Variants in CNOT6 observed in about 807,000 individuals in gnomAD.
The protein encoded by CNOT6 is carbon catabolite repression 4 protein.
CNOT6 carries 12 observed loss-of-function variants against 61.2 expected under a neutral mutation model. That is an observed-to-expected ratio of 0.20 (90% CI 0.13 to 0.32). CNOT6 has a LOEUF of 0.32. Among genes scored for constraint, CNOT6 ranks in the 10% least tolerant of loss-of-function variants. The probability of loss-of-function intolerance (pLI) is 1.00; values close to 1 mark genes in which losing one functional copy is unlikely to be tolerated. For missense variants in CNOT6, 405 were observed against 663.9 expected (o/e 0.61, Z 4.28); for synonymous variants, 225 against 240.6 (o/e 0.94, Z 0.60).
At chr5:180,536,739 T>A (rs1337364275) in intron 2 of CNOT6, among the ~76,000 whole-genome samples, 4 of 152,180 alleles carry the variant, frequency 2.6e-5, no homozygotes, top group African/African-American at 9.6e-5. Context: ...GCCCCTCAAG[T>A]AGCTGGGACT....
intron 1 of CNOT6, among the ~76,000 whole-genome samples, chr5:180,500,920 A>G (rs1437923992): frequency 1.3e-5 from 2 of 152,092 alleles, no homozygotes; most frequent in South Asian, 2.1e-4. Flanking sequence ...TTTAAGCTGG[A>G]TTTTAAAGGA....
At chr5:180,548,945 A>G (rs1442931845) in intron 2 of CNOT6, among the ~76,000 whole-genome samples, 1 of 152,248 alleles carries the variant, frequency 6.6e-6, no homozygotes, top group African/African-American at 2.4e-5. Flanking sequence ...CAATTTATCA[A>G]GAAGTGTCAA....
intron 4 of CNOT6, among the ~76,000 whole-genome samples, chr5:180,563,505 G>A (rs932400152): frequency 6.6e-6 from 1 of 152,106 alleles, no homozygotes; most frequent in African/African-American, 2.4e-5. Context: ...GCCTCCCAAA[G>A]TGCTGGGATT....
chr5:180,563,402 T>G (rs1313827413), intron 4 of CNOT6, among the ~76,000 whole-genome samples: 1 of 4,374 alleles, frequency 2.3e-4, no homozygotes, highest in East Asian at 0.17. Flanking sequence ...TTGTTTTTGC[T>G]TTTTTTTTCT....
chr5:180,499,856 G>T (rs1255339585), intron 1 of CNOT6, among the ~76,000 whole-genome samples: 1 of 152,174 alleles, frequency 6.6e-6, no homozygotes, highest in Non-Finnish European at 1.5e-5. Flanking sequence ...ATGGAAGGTT[G>T]TAACACGAGA....
intron 1 of CNOT6, among the ~76,000 whole-genome samples, chr5:180,507,552 T>A (rs1561632073): frequency 1.3e-5 from 2 of 152,114 alleles, no homozygotes; most frequent in African/African-American, 2.4e-5. Context: ...CAGTGAACCG[T>A]GGTCACGCCA....
At chr5:180,500,501 T>C (rs12656468) in intron 1 of CNOT6, among the ~76,000 whole-genome samples, 149,265 of 150,542 alleles carry the variant, frequency 0.99, 74,004 homozygotes, top group Middle Eastern at 1. Flanking sequence ...GCAGTGGCGC[T>C]ATCTAGGCTC....
At position 180,549,819 on chromosome 5, in the gene CNOT6, T is replaced by A. The variant is rs7733382; in HGVS notation, c.113-112T>A. The A allele has an allele frequency of 2.4e-3, 1,890 of 775,040 alleles. 24 individuals carry two copies. The African/African-American group carries it at 0.027, about 11-fold the overall frequency. The allele number at this position is 775,040 out of a possible 1,614,324, so 48.0% of individuals were successfully genotyped here. A position where few individuals can be genotyped will look rare whatever the true frequency, so the allele number is the denominator to read the frequency against. On this transcript the variant is annotated intron_variant, in intron 2 of 11. Transcript: ENST00000261951. ...TTCCTGTTAACCCCTTCTCACAAGTTTTTGGATAATAATTTAAGTTACTCA... is the reference window on the plus strand; with the variant it reads ...TTCCTGTTAACCCCTTCTCACAAGTATTTGGATAATAATTTAAGTTACTCA...
In CNOT6 at chr5:180,503,102, G is replaced by T. The variant is rs577086960; in HGVS notation, c.-3+8339G>T. 2.0e-5 allele frequency among the ~76,000 whole-genome samples: 3 copies of T among 152,102 alleles called. No individual in the cohort carries two copies. The East Asian group carries it at 5.8e-4, about 29-fold the overall frequency. ...GATATTGAATGCCGGTGGTGCAGTG[G>T]GCTCTGCTGCTTTACATGTGTCTCA... On this transcript the variant is annotated intron_variant, in intron 1 of 11. Coordinates refer to ENST00000261951, the MANE Select transcript of CNOT6 (RefSeq NM_001370472.1).
chr5:180,526,691 A>C (rs1758115012), intron 1 of CNOT6, among the ~76,000 whole-genome samples: 2 of 152,204 alleles, frequency 1.3e-5, no homozygotes, highest in African/African-American at 4.8e-5. Flanking sequence ...AGCTATGTTT[A>C]GCTGCATGGG....
intron 1 of CNOT6, among the ~76,000 whole-genome samples, chr5:180,505,984 C>G (rs935798100): frequency 4.6e-5 from 7 of 152,112 alleles, no homozygotes; most frequent in Non-Finnish European, 5.9e-5. Flanking sequence ...GATGATGCAT[C>G]TGAGACATAA....
chr5:180,515,536 G>T (rs1480116193), intron 1 of CNOT6, among the ~76,000 whole-genome samples: 3 of 152,168 alleles, frequency 2.0e-5, no homozygotes, highest in Admixed American at 1.3e-4. Context: ...TTTAATAGGA[G>T]AGTGGCATGA....
chr5:180,555,639 G>A lies in CNOT6; in HGVS notation c.385+2168G>A, dbSNP rs186295958. The stretch of plus-strand genomic sequence containing the variant: ...ATTCTAATGTTGTGTCGGAACATTG[G>A]GTGGAATGATCCGTTTGGGGGTAGA... On this transcript the variant is annotated intron_variant, in intron 4 of 11. Transcript: ENST00000261951. Among the ~76,000 whole-genome samples the A allele has an allele frequency of 4.6e-5, 7 of 152,244 alleles. No individual in the cohort carries two copies. The East Asian group carries it at 1.4e-3, about 29-fold the overall frequency.
chr5:180,533,024 C>T (rs1758469588), intron 2 of CNOT6, among the ~76,000 whole-genome samples: 1 of 152,074 alleles, frequency 6.6e-6, no homozygotes, highest in Admixed American at 6.5e-5. Flanking sequence ...TTTATGGAGG[C>T]TTCATTACAT....
chr5:180,550,386 G>GC (rs1392244558), intron 3 of CNOT6, among the ~76,000 whole-genome samples: 4 of 151,830 alleles, frequency 2.6e-5, no homozygotes, highest in Admixed American at 2.0e-4. Flanking sequence ...GGGAGGTGGA[G>GC]TGGCAGTGAG....
At chr5:180,516,605 C>CA (rs1014902674) in intron 1 of CNOT6, among the ~76,000 whole-genome samples, 1 of 152,150 alleles carries the variant, frequency 6.6e-6, no homozygotes, top group Non-Finnish European at 1.5e-5. Context: ...AGGCTTTTAA[C>CA]AAAAAACCAC....
intron 1 of CNOT6, among the ~76,000 whole-genome samples, chr5:180,526,214 C>T (rs986879271): frequency 3.6e-5 from 5 of 139,638 alleles, no homozygotes; most frequent in African/African-American, 1.2e-4. Context: ...ATTGTTTTTG[C>T]TATAGAGAGA....
chr5:180,522,970 C>A lies in CNOT6; in HGVS notation c.-2-6305C>A, dbSNP rs79491047. ...CCAGGAGGGAGTGTTGGGAACCCAG[C>A]TTTATAGCCGGTCATCAGAAGTGTG... On this transcript the variant is annotated intron_variant, in intron 1 of 11. Transcript: ENST00000261951. Among the ~76,000 whole-genome samples, 384 of 152,282 alleles carry A rather than the reference C, an allele frequency of 2.5e-3. 1 individual carries two copies. The highest frequency in any genetic ancestry group is 8.8e-3 in the African/African-American group (364 of 41,550).
In CNOT6 at chr5:180,575,848, C is replaced by G. The variant is rs990674446; in HGVS notation, c.*1648C>G. The G allele has an allele frequency of 6.6e-6, 1 of 151,596 alleles. No individual in the cohort carries two copies. Among genetic ancestry groups the G allele is most frequent in the African/African-American group, 2.4e-5 (1 of 41,234 alleles). The allele number at this position is 151,596 out of a possible 1,614,324, so 9.4% of individuals were successfully genotyped here. ...GAAAAAAAATACTCACTCTTACTAACAATTTTTATACAGAAAATGAGTCAT... is the reference window on the plus strand; with the variant it reads ...GAAAAAAAATACTCACTCTTACTAAGAATTTTTATACAGAAAATGAGTCAT... On this transcript the variant is annotated 3_prime_UTR_variant, in exon 12 of 12. Transcript: ENST00000261951.
Sources: gnomAD v4.1 joint callset for allele counts (sites outside exome capture counted in the v4.1 genomes callset) on GRCh38, gnomAD v4.1.1 for gene constraint, MANE v1.5 for transcripts, NCBI Gene and HGNC (gene_info 2026-07-23, HGNC 2026-07-21) for gene names.